The following DCLK2 variants were observed in gnomAD, a reference collection of about 807,000 sequenced individuals.
The protein encoded by DCLK2 is doublecortin like kinase 2, also known as serine/threonine-protein kinase DCLK2.
DCLK2 carries 31 observed loss-of-function variants against 78.4 expected under a neutral mutation model. That is an observed-to-expected ratio of 0.40 (90% CI 0.30 to 0.53). The LOEUF (loss-of-function observed/expected upper bound fraction) is 0.53. DCLK2 is among the 20% of genes least tolerant of loss of function. The probability of loss-of-function intolerance (pLI) is 0.61; values close to 1 mark genes in which losing one functional copy is unlikely to be tolerated. For synonymous variants in DCLK2, 407 were observed against 374.9 expected (o/e 1.09, Z -0.99); for missense variants, 872 against 973.7 (o/e 0.90, Z 1.39).
chr4:150,126,974 G>A (rs757596459), intron 2 of DCLK2, among the ~76,000 whole-genome samples: 20 of 152,000 alleles, frequency 1.3e-4, no homozygotes, highest in African/African-American at 2.4e-4. Context: ...GCTTTGTACC[G>A]TTTGCTTCAA....
intron 2 of DCLK2, among the ~76,000 whole-genome samples, chr4:150,144,867 T>A (rs1225299502): frequency 6.6e-6 from 1 of 152,204 alleles, no homozygotes; most frequent in Non-Finnish European, 1.5e-5. Flanking sequence ...ATTATAGGAG[T>A]GAGCCACAAT....
At chr4:150,092,368 T>A (rs1730143354) in intron 1 of DCLK2, among the ~76,000 whole-genome samples, 1 of 152,176 alleles carries the variant, frequency 6.6e-6, no homozygotes, top group Non-Finnish European at 1.5e-5. Context: ...ATTTTTAATT[T>A]TTTGAGGAAC....
At chr4:150,187,890 C>G (rs896707098) in intron 2 of DCLK2, among the ~76,000 whole-genome samples, 4 of 150,818 alleles carry the variant, frequency 2.7e-5, no homozygotes, top group African/African-American at 9.8e-5. Flanking sequence ...ACCTCTGCCT[C>G]CCCGGTTCAA....
rs188491835 is a variant in DCLK2, at chr4:150,165,954, G to T, written c.757-27184G>T. ...CTGGCGCCTGGTGCCTCTGTCTTGT[G>T]TGTTCACTTCCACCTTCCCCCTTCA... On this transcript the variant is annotated intron_variant, in intron 2 of 15. Coordinates refer to ENST00000296550, the MANE Select transcript of DCLK2 (RefSeq NM_001040260.4). Among the ~76,000 whole-genome samples the T allele has an allele frequency of 1.9e-3, 286 of 152,248 alleles. 1 individual carries two copies. Among genetic ancestry groups the T allele is most frequent in the African/African-American group, 6.5e-3 (271 of 41,556 alleles).
rs113059899 is a variant in DCLK2 at position 150,221,709 on chromosome 4, A to G, written c.1165A>G (p.Thr389Ala). Residue 389 changes from threonine to alanine, a missense_variant, in exon 7 of 16, where the codon ACT becomes GCT. Thr to Ala is a moderately conservative substitution (Grantham distance 58). Transcript: ENST00000296550. Reference protein sequence around the residue: ...VNGNRCSESSTLLEKYKIGKV... With the variant: ...VNGNRCSESSALLEKYKIGKV... ...TGGAAACAGATGCTCTGAATCATCA[A>G]CTCTTCTTGAGAAATACAAAATTGG... 3 of 1,603,184 alleles carry G rather than the reference A, an allele frequency of 1.9e-6. No individual in the cohort carries two copies. The highest frequency in any genetic ancestry group is 2.7e-5 in the African/African-American group (2 of 74,258).
At chr4:150,191,695 C>G (rs913232511) in intron 2 of DCLK2, among the ~76,000 whole-genome samples, 3 of 152,126 alleles carry the variant, frequency 2.0e-5, no homozygotes. Context: ...AGAATTGGAA[C>G]AAACAGGCAG....
rs1202219563 is a variant in DCLK2, at chr4:150,079,259, C to A, written c.232C>A (p.Arg78=). 1 of 1,606,048 alleles carries A rather than the reference C, an allele frequency of 6.2e-7. No homozygotes were observed. The highest frequency in any genetic ancestry group is 8.5e-7 in the Non-Finnish European group (1 of 1,176,520). Residue 78 remains arginine (R), a synonymous_variant, in exon 1 of 16, where the codon CGG becomes AGG. Coordinates refer to ENST00000296550, the MANE Select transcript of DCLK2 (RefSeq NM_001040260.4). ...EKKAKKARFY[R]NGDRYFKGLV... ...GAAGGCCAAGAAGGCGCGCTTCTACCGGAACGGGGACCGCTACTTCAAGGG... is the reference window on the plus strand; with the variant it reads ...GAAGGCCAAGAAGGCGCGCTTCTACAGGAACGGGGACCGCTACTTCAAGGG...
At chr4:150,089,134 C>T (rs1729869378) in intron 1 of DCLK2, among the ~76,000 whole-genome samples, 2 of 152,140 alleles carry the variant, frequency 1.3e-5, no homozygotes, top group Non-Finnish European at 2.9e-5. Flanking sequence ...ATAAGGAATA[C>T]CCAACCTGTA....
intron 2 of DCLK2, among the ~76,000 whole-genome samples, chr4:150,191,601 A>G (rs888153536): frequency 1.3e-5 from 2 of 152,202 alleles, no homozygotes; most frequent in Non-Finnish European, 2.9e-5. Flanking sequence ...GAACAGGAAC[A>G]ATTGAAAATA....
intron 2 of DCLK2, among the ~76,000 whole-genome samples, chr4:150,174,682 T>G (rs1736815338): frequency 6.6e-6 from 1 of 151,646 alleles, no homozygotes; most frequent in Non-Finnish European, 1.5e-5. Context: ...AAATAATGTT[T>G]TAAGTGAAGA....
intron 14 of DCLK2, among the ~76,000 whole-genome samples, chr4:150,248,773 G>C (rs1365826469): frequency 6.6e-6 from 1 of 152,060 alleles, no homozygotes; most frequent in Non-Finnish European, 1.5e-5. Context: ...GTGCCTTCAG[G>C]GAACGTGCTC....
chr4:150,183,294 C>T (rs1307602848), intron 2 of DCLK2, among the ~76,000 whole-genome samples: 1 of 152,218 alleles, frequency 6.6e-6, no homozygotes, highest in Non-Finnish European at 1.5e-5. Context: ...TCTGAAGTCT[C>T]TGAATAGCAC....
Position 150,256,411 on chromosome 4 carries a change from C to T in DCLK2, c.*164C>T, listed in dbSNP as rs1744575502. The T allele has an allele frequency of 1.3e-5, 12 of 943,190 alleles. No individual in the cohort carries two copies. The highest frequency in any genetic ancestry group is 1.8e-5 in the Non-Finnish European group (12 of 657,836). The allele number at this position is 943,190 out of a possible 1,614,324, so 58.4% of individuals were successfully genotyped here. A position where few individuals can be genotyped will look rare whatever the true frequency, so the allele number is the denominator to read the frequency against. On this transcript the variant is annotated 3_prime_UTR_variant, in exon 16 of 16. Transcript: ENST00000296550. The stretch of plus-strand genomic sequence containing the variant: ...GGAACCGGAGCCTGGCGTGCCGGAG[C>T]CTGGCCTGGTGCTCTGGGCTCTGCC...
At chr4:150,209,097 G>C (rs1409328378) in intron 5 of DCLK2, among the ~76,000 whole-genome samples, 1 of 152,220 alleles carries the variant, frequency 6.6e-6, no homozygotes, top group African/African-American at 2.4e-5. Context: ...TTAAACAAAT[G>C]ATTGGAAACA....
At chr4:150,139,985 C>T (rs1300351879) in intron 2 of DCLK2, among the ~76,000 whole-genome samples, 1 of 152,130 alleles carries the variant, frequency 6.6e-6, no homozygotes, top group East Asian at 1.9e-4. Flanking sequence ...AATGTCACTG[C>T]TTAGTTAGAG....
In DCLK2 at chr4:150,149,177, A is replaced by AC. The variant is rs1186124848; in HGVS notation, c.757-43955dup. Reference sequence around the variant, plus strand: ...ACAGAATCCATTTAAATTTTATCAGACCCCCCACCCCTCAAATGTAAGATA... The same window carrying AC: ...ACAGAATCCATTTAAATTTTATCAGACCCCCCCACCCCTCAAATGTAAGATA... On this transcript the variant is annotated intron_variant, in intron 2 of 15. Transcript: ENST00000296550. 5.3e-5 allele frequency among the ~76,000 whole-genome samples: 8 copies of AC among 151,672 alleles called. No individual in the cohort carries two copies. The East Asian group carries it at 7.7e-4, about 15-fold the overall frequency.
At chr4:150,132,923 C>A (rs1166616314) in intron 2 of DCLK2, among the ~76,000 whole-genome samples, 4 of 152,146 alleles carry the variant, frequency 2.6e-5, no homozygotes, top group Non-Finnish European at 4.4e-5. Flanking sequence ...CCACCATGCC[C>A]AGCTAACATT....
intron 1 of DCLK2, among the ~76,000 whole-genome samples, chr4:150,090,609 G>A (rs1404117301): frequency 6.7e-6 from 1 of 149,682 alleles, no homozygotes; most frequent in Non-Finnish European, 1.5e-5. Flanking sequence ...AAGCTACAAA[G>A]CTTTTTGGTT....
At chr4:150,104,928 A>G (rs1731153760) in intron 2 of DCLK2, among the ~76,000 whole-genome samples, 1 of 152,130 alleles carries the variant, frequency 6.6e-6, no homozygotes, top group African/African-American at 2.4e-5. Flanking sequence ...TTTTATTTAT[A>G]TTTTACTAGA....
Sources: gnomAD v4.1 joint callset for allele counts (sites outside exome capture counted in the v4.1 genomes callset) on GRCh38, gnomAD v4.1.1 for gene constraint, MANE v1.5 for transcripts, NCBI Gene and HGNC (gene_info 2026-07-23, HGNC 2026-07-21) for gene names.